The following FNDC3A variants were observed in gnomAD, a reference collection of about 807,000 sequenced individuals.
FNDC3A encodes fibronectin type III domain containing 3A, also known as fibronectin type-III domain-containing protein 3A.
A neutral mutation model predicts 148.9 loss-of-function variants in FNDC3A; 32 were observed. That is an observed-to-expected ratio of 0.21 (90% CI 0.16 to 0.29). The LOEUF is 0.29. Ranked by LOEUF, FNDC3A falls within the 10% of genes least tolerant of loss-of-function variation. FNDC3A has a pLI of 1.00. For synonymous variants in FNDC3A, 472 were observed against 473.6 expected, an observed-to-expected ratio of 1.00 and a Z score of 0.04; for missense variants, 1,191 against 1,452.8, an observed-to-expected ratio of 0.82 and a Z score of 2.93.
intron 4 of FNDC3A, among the ~76,000 whole-genome samples, chr13:49,129,911 A>C (rs1362428573): frequency 1.3e-5 from 2 of 152,168 alleles, no homozygotes; most frequent in Non-Finnish European, 2.9e-5. Flanking sequence ...TTATAAAATA[A>C]TTTGCTATCC....
intron 1 of FNDC3A, among the ~76,000 whole-genome samples, chr13:49,001,747 G>A (rs187986993): frequency 5.3e-5 from 8 of 152,152 alleles, no homozygotes; most frequent in South Asian, 4.1e-4. Flanking sequence ...TGGTCAGACC[G>A]GTTGTCTGCT....
chr13:49,198,807 A>G (rs1886284367), intron 23 of FNDC3A, among the ~76,000 whole-genome samples: 1 of 152,186 alleles, frequency 6.6e-6, no homozygotes, highest in Admixed American at 6.5e-5. Flanking sequence ...TCAAAAACGA[A>G]GTCAAGATTG....
intron 2 of FNDC3A, among the ~76,000 whole-genome samples, chr13:49,056,057 C>T (rs1419793494): frequency 4.6e-5 from 7 of 151,898 alleles, no homozygotes; most frequent in South Asian, 2.1e-4. Flanking sequence ...TGTAGTGGCA[C>T]GCGCCTGTAG....
intron 1 of FNDC3A, among the ~76,000 whole-genome samples, chr13:48,995,014 C>G (rs1951998277): frequency 6.6e-6 from 1 of 152,072 alleles, no homozygotes; most frequent in African/African-American, 2.4e-5. Context: ...ACATCATGAT[C>G]TGAGAATGAA....
At chr13:48,993,138 A>G (rs935174890) in intron 1 of FNDC3A, among the ~76,000 whole-genome samples, 2 of 152,242 alleles carry the variant, frequency 1.3e-5, no homozygotes, top group Non-Finnish European at 2.9e-5. Context: ...TCGTTGAAGG[A>G]TAATGTATTC....
intron 2 of FNDC3A, among the ~76,000 whole-genome samples, chr13:49,008,354 A>G (rs1266398811): frequency 6.6e-6 from 1 of 152,194 alleles, no homozygotes; most frequent in African/African-American, 2.4e-5. Context: ...TTGTCTTAAC[A>G]CAAGAACTTA....
At chr13:48,995,924 A>G (rs1450690190) in intron 1 of FNDC3A, among the ~76,000 whole-genome samples, 1 of 152,226 alleles carries the variant, frequency 6.6e-6, no homozygotes, top group African/African-American at 2.4e-5. Context: ...TTAGTCTAAT[A>G]TAGTCAAGTT....
intron 2 of FNDC3A, among the ~76,000 whole-genome samples, chr13:49,059,338 C>T (rs973646416): frequency 3.3e-5 from 5 of 152,108 alleles, no homozygotes; most frequent in Admixed American, 6.6e-5. Context: ...ACACTGAAAA[C>T]GCAAGAAACA....
At chr13:49,153,108 T>A (rs1883421531) in intron 8 of FNDC3A, among the ~76,000 whole-genome samples, 2 of 152,134 alleles carry the variant, frequency 1.3e-5, no homozygotes, top group South Asian at 4.1e-4. Flanking sequence ...ACTTCCACAA[T>A]GGTTGAACTA....
intron 2 of FNDC3A, among the ~76,000 whole-genome samples, chr13:49,047,701 C>T (rs569857559): frequency 4.6e-5 from 7 of 152,186 alleles, no homozygotes; most frequent in Admixed American, 3.3e-4. Flanking sequence ...AGTCCTTTGT[C>T]GGATGTATAG....
At chr13:49,167,701 G>C (rs1322853674) in intron 9 of FNDC3A, among the ~76,000 whole-genome samples, 1 of 149,784 alleles carries the variant, frequency 6.7e-6, no homozygotes, top group Non-Finnish European at 1.5e-5. Context: ...GTGAGACCTT[G>C]TCTCAAACAA....
chr13:49,067,856 G>A (rs531589404), intron 2 of FNDC3A, among the ~76,000 whole-genome samples: 7 of 152,188 alleles, frequency 4.6e-5, no homozygotes, highest in African/African-American at 1.7e-4. Context: ...TTATCTCCAT[G>A]CTGGTCTCAA....
At chr13:49,080,722 T>C (rs1878413902) in intron 3 of FNDC3A, among the ~76,000 whole-genome samples, 6 of 152,194 alleles carry the variant, frequency 3.9e-5, no homozygotes, top group Admixed American at 3.9e-4. Context: ...TGTGAAGAGT[T>C]ATGAAAAATA....
intron 5 of FNDC3A, among the ~76,000 whole-genome samples, chr13:49,132,057 C>T (rs894015605): frequency 1.3e-5 from 2 of 152,178 alleles, no homozygotes; most frequent in African/African-American, 4.8e-5. Flanking sequence ...CCACTAGTCA[C>T]TTAGTTTGCT....
chr13:49,159,460 A>AT (rs528107636), intron 8 of FNDC3A, among the ~76,000 whole-genome samples: 5 of 152,192 alleles, frequency 3.3e-5, no homozygotes, highest in Non-Finnish European at 7.3e-5. Context: ...ATTTTTGCAC[A>AT]TTGATGTTGT....
intron 2 of FNDC3A, among the ~76,000 whole-genome samples, chr13:49,006,924 A>G (rs1952233580): frequency 6.6e-6 from 1 of 152,092 alleles, no homozygotes; most frequent in Admixed American, 6.6e-5. Context: ...CTAAAAACAT[A>G]ATAAATGTTA....
Position 48,997,900 on chromosome 13 carries a change from TA to T in FNDC3A, c.-39-8238del, listed in dbSNP as rs757898281. Among the ~76,000 whole-genome samples the T allele has an allele frequency of 5.6e-3, 783 of 138,750 alleles. 1 individual carries two copies. The highest frequency in any genetic ancestry group is 6.7e-3 in the Admixed American group (93 of 13,886). The allele number at this position is 138,750 out of a possible 152,430, so 91.0% of individuals were successfully genotyped here. On this transcript the variant is annotated intron_variant, in intron 1 of 25. Transcript: ENST00000492622. ...TGGAAAAGTTTTGAGGTGTGTGCAT[TA>T]AAAAAAAAAAAAATGCTGAGATTGC...
At chr13:49,178,677 C>T (rs755444319) in intron 14 of FNDC3A, 23 bp downstream of exon 14, 3 of 1,291,142 alleles carry the variant, frequency 2.3e-6, no homozygotes, top group East Asian at 2.5e-5. Context: ...AACCCTTAAA[C>T]GATTTGTTCC....
At position 49,004,673 on chromosome 13, in the gene FNDC3A, C is replaced by G. The variant is rs191318194; in HGVS notation, c.-39-1479C>G. On this transcript the variant is annotated intron_variant, in intron 1 of 25. Coordinates refer to ENST00000492622, the MANE Select transcript of FNDC3A (RefSeq NM_001079673.2). ...CATTCTAAAATTTAAATAATAATGG[C>G]GGCCTGCAGTTTTAGCTAAACCTAG... is the stretch of plus-strand genomic sequence containing the variant. 1.4e-3 allele frequency among the ~76,000 whole-genome samples: 207 copies of G among 151,778 alleles called. 1 individual carries two copies. The highest frequency in any genetic ancestry group is 4.8e-3 in the African/African-American group (198 of 41,462).
Sources: gnomAD v4.1 joint callset for allele counts (sites outside exome capture counted in the v4.1 genomes callset) on GRCh38, gnomAD v4.1.1 for gene constraint, MANE v1.5 for transcripts, NCBI Gene and HGNC (gene_info 2026-07-23, HGNC 2026-07-21) for gene names.